Variants in NEDD9 observed in about 807,000 individuals in gnomAD.
NEDD9 encodes enhancer of filamentation 1.
NEDD9 carries 26 observed loss-of-function variants against 76.6 expected under a neutral mutation model. That is an observed-to-expected ratio of 0.34 (90% CI 0.25 to 0.47). The LOEUF (loss-of-function observed/expected upper bound fraction) is 0.47. Among genes scored for constraint, NEDD9 ranks in the 20% least tolerant of loss-of-function variants. NEDD9 has a pLI of 1.00. For missense variants in NEDD9, 937 were observed against 1,058.5 expected (o/e 0.89, Z 1.59); for synonymous variants, 392 against 414.2 (o/e 0.95, Z 0.65).
At chr6:11,298,778 T>C (rs1217546935) in intron 3 of NEDD9, among the ~76,000 whole-genome samples, 2 of 152,252 alleles carry the variant, frequency 1.3e-5, no homozygotes, top group South Asian at 4.1e-4. Flanking sequence ...TATCCAGTTC[T>C]GTGACAGACT....
At chr6:11,280,963 G>A (rs1351371022) in intron 3 of NEDD9, among the ~76,000 whole-genome samples, 2 of 152,186 alleles carry the variant, frequency 1.3e-5, no homozygotes, top group Non-Finnish European at 2.9e-5. Context: ...GAGGATACAT[G>A]GACCTTCAAG....
chr6:11,282,122 T>C (rs921367555), intron 3 of NEDD9, among the ~76,000 whole-genome samples: 3 of 152,248 alleles, frequency 2.0e-5, no homozygotes, highest in Admixed American at 2.0e-4. Flanking sequence ...TCAAGATTTC[T>C]GGTACTTGAC....
chr6:11,378,107 G>A (rs753134976), intron 1 of NEDD9, among the ~76,000 whole-genome samples: 2 of 152,128 alleles, frequency 1.3e-5, no homozygotes, highest in Non-Finnish European at 2.9e-5. Flanking sequence ...GCTGGGTGTG[G>A]TGGCATGCAC....
chr6:11,307,227 C>T (rs1582013717), intron 2 of NEDD9, among the ~76,000 whole-genome samples: 1 of 152,202 alleles, frequency 6.6e-6, no homozygotes, highest in East Asian at 1.9e-4. Flanking sequence ...TCCTAGAACT[C>T]CTTTCCAAAC....
At chr6:11,316,753 GT>G (rs1761576530) in intron 2 of NEDD9, among the ~76,000 whole-genome samples, 1 of 152,206 alleles carries the variant, frequency 6.6e-6, no homozygotes, top group African/African-American at 2.4e-5. Flanking sequence ...GACAGGGACA[GT>G]GAAGAGGAGA....
At chr6:11,379,515 G>A (rs1021607975) in intron 1 of NEDD9, among the ~76,000 whole-genome samples, 4 of 152,154 alleles carry the variant, frequency 2.6e-5, no homozygotes, top group East Asian at 1.9e-4. Flanking sequence ...TTGAACCTGG[G>A]AGGCAGAAGT....
At position 11,257,775 on chromosome 6, in the gene NEDD9, C is replaced by CTGTGTGTGTGTGTGTGTGTGTGTG. The variant is rs3067253; in HGVS notation, c.13-44072_13-44049dup. The stretch of plus-strand genomic sequence containing the variant: ...CAGAGTGACAGAAACAATGTAGATT[C>CTGTGTGTGTGTGTGTGTGTGTGTG]TGTGTGTGTGTGTGTGTGTGTGTGT... On this transcript the variant is annotated intron_variant, in intron 3 of 3. Coordinates refer to the NEDD9 transcript ENST00000397378. 5.7e-4 allele frequency among the ~76,000 whole-genome samples: 82 copies of CTGTGTGTGTGTGTGTGTGTGTGTG among 143,066 alleles called. 1 individual carries two copies. The highest frequency in any genetic ancestry group is 2.0e-3 in the African/African-American group (75 of 37,248). 93.9% of individuals were successfully genotyped at this position (143,066 alleles called of 152,430 possible). A position where few individuals can be genotyped will look rare whatever the true frequency, so the allele number is the denominator to read the frequency against.
chr6:11,305,847 A>G, intron 3 of NEDD9: 2 of 1,008,984 alleles, frequency 2.0e-6, no homozygotes, highest in Non-Finnish European at 3.1e-6. Flanking sequence ...TGGCAGTCTA[A>G]ACTTAACAGT....
rs752432544 is a variant in NEDD9, at chr6:11,190,907, C to G, written c.962G>C (p.Arg321Pro). ...GSQNDAYDVP[R>P]GVQFLEPPAE... ...TGGTGGCTCAAGAAACTGAACGCCTCGGGGGACATCATATGCGTCGTTCTG... is the reference window on the plus strand; with the variant it reads ...TGGTGGCTCAAGAAACTGAACGCCTGGGGGGACATCATATGCGTCGTTCTG... The change falls in exon 5 of 7, where the codon CGA (arginine) becomes CCA (proline). Residue 321 changes from arginine to proline, a missense_variant. Arg to Pro is a moderately radical substitution (Grantham distance 103). Transcript: ENST00000379446. This position sits in a 1 kb window ranked among gnomAD's most constrained non-coding sequence, Gnocchi z 5.8. 2 of 1,613,918 alleles carry G rather than the reference C, an allele frequency of 1.2e-6. No individual in the cohort carries two copies. Among genetic ancestry groups the G allele is most frequent in the Admixed American group, 3.3e-5 (2 of 59,990 alleles).
upstream of NEDD9, among the ~76,000 whole-genome samples, chr6:11,235,647 C>T (rs991196946): frequency 6.6e-6 from 1 of 152,188 alleles, no homozygotes; most frequent in African/African-American, 2.4e-5. The surrounding 1 kb of genome is among the most constrained non-coding windows in gnomAD (Gnocchi z 4.1). Context: ...CAGGGAAGCT[C>T]CTCTGAGGAG....
Position 11,213,265 on chromosome 6 carries a change from T to G in NEDD9, c.459+16A>C, listed in dbSNP as rs749631207. On this transcript the variant is annotated intron_variant, in intron 2 of 6. Transcript: ENST00000379446. This position sits in a 1 kb window ranked among gnomAD's most constrained non-coding sequence, Gnocchi z 5.4. Reference sequence around the variant, plus strand: ...AAAATAAGTAGGAACAAAAATTTAGTTAGTCATTTACTCACCTTTTTACCC... The same window carrying G: ...AAAATAAGTAGGAACAAAAATTTAGGTAGTCATTTACTCACCTTTTTACCC... The G allele has an allele frequency of 5.1e-6, 8 of 1,554,140 alleles. No individual in the cohort carries two copies. The highest frequency in any genetic ancestry group is 2.3e-5 in the East Asian group (1 of 44,078).
chr6:11,183,853 A>G lies in NEDD9; in HGVS notation c.*1309T>C, dbSNP rs1757911472. The G allele has an allele frequency of 6.6e-6, 1 of 152,264 alleles. No homozygotes were observed. Among genetic ancestry groups the G allele is most frequent in the Non-Finnish European group, 1.5e-5 (1 of 68,052 alleles). The allele number at this position is 152,264 out of a possible 1,614,324, so 9.4% of individuals were successfully genotyped here. Reference sequence around the variant, plus strand: ...ATAATGTGCTTCTTCTCTTGGTAATATGTGAATACATTTACCCATGGGGTA... The same window carrying G: ...ATAATGTGCTTCTTCTCTTGGTAATGTGTGAATACATTTACCCATGGGGTA... On this transcript the variant is annotated 3_prime_UTR_variant, in exon 7 of 7. Transcript: ENST00000379446.
At chr6:11,371,920 AATAATCACATCAGGGTAC>A (rs1475774239) in intron 1 of NEDD9, among the ~76,000 whole-genome samples, 3 of 152,188 alleles carry the variant, frequency 2.0e-5, no homozygotes, top group Non-Finnish European at 4.4e-5. Flanking sequence ...TGCAATGTGT[AATAATCACATCAGGGTAC>A]ATGGGGTCTC....
At chr6:11,192,746 A>G (rs562019248) in intron 3 of NEDD9, among the ~76,000 whole-genome samples, 1 of 151,042 alleles carries the variant, frequency 6.6e-6, no homozygotes, top group East Asian at 2.0e-4. Context: ...CATCCTGGCC[A>G]ACATGGTAAA....
chr6:11,365,000 G>A (rs1762737145), intron 1 of NEDD9, among the ~76,000 whole-genome samples: 1 of 152,100 alleles, frequency 6.6e-6, no homozygotes, highest in South Asian at 2.1e-4. Context: ...AGTGTAGCAG[G>A]CTGGGCATTC....
At chr6:11,335,535 C>T (rs909913651) in intron 1 of NEDD9, among the ~76,000 whole-genome samples, 3 of 152,152 alleles carry the variant, frequency 2.0e-5, no homozygotes, top group African/African-American at 7.2e-5. Flanking sequence ...AAAAGTTGAG[C>T]GAATTGGGCT....
intron 1 of NEDD9, among the ~76,000 whole-genome samples, chr6:11,354,639 G>C (rs1230962073): frequency 6.6e-6 from 1 of 152,190 alleles, no homozygotes; most frequent in African/African-American, 2.4e-5. Context: ...CCCAGCATCT[G>C]TTCCTCCTCT....
chr6:11,232,639 T>A lies in NEDD9; in HGVS notation c.-124A>T, dbSNP rs1309723373. 6.3e-7 allele frequency: 1 copy of A among 1,575,108 alleles called. No homozygotes were observed. Among genetic ancestry groups the A allele is most frequent in the Non-Finnish European group, 8.6e-7 (1 of 1,162,712 alleles). ...CGAGAAGGTCCCGGGCAGAGCCGCT[T>A]GTCAGTCGCAGCGCCTCCCTCAAGT... On this transcript the variant is annotated 5_prime_UTR_variant, in exon 1 of 7. Transcript: ENST00000379446.
intron 1 of NEDD9, among the ~76,000 whole-genome samples, chr6:11,218,764 G>T (rs998207326): frequency 1.3e-5 from 2 of 152,186 alleles, no homozygotes; most frequent in African/African-American, 2.4e-5. Context: ...GAACCAGAAA[G>T]AGAAATGTCA....
Sources: allele counts gnomAD v4.1 joint callset (sites outside exome capture counted in the v4.1 genomes callset), GRCh38; gene constraint gnomAD v4.1.1; non-coding constraint Gnocchi (gnomAD v3.1); transcripts MANE v1.5; gene names NCBI Gene and HGNC (gene_info 2026-07-23, HGNC 2026-07-21).